ELF1: variants seen among roughly 807,000 people sequenced by gnomAD.
ELF1 encodes ETS-related transcription factor Elf-1.
Under a neutral mutation model 59.9 loss-of-function variants are expected in ELF1, and 24 were observed. The ratio of observed to expected loss-of-function variants is 0.40; its 90% confidence interval spans 0.29 to 0.56. ELF1 has a LOEUF of 0.56. Ranked by LOEUF, ELF1 falls within the 20% of genes least tolerant of loss-of-function variation. ELF1 has a pLI of 0.44. For synonymous variants in ELF1, 248 were observed against 266.2 expected, an observed-to-expected ratio of 0.93 and a Z score of 0.67; for missense variants, 627 against 742.2, an observed-to-expected ratio of 0.84 and a Z score of 1.80.
At chr13:40,957,549 C>A (rs924006801) in intron 3 of ELF1, among the ~76,000 whole-genome samples, 1 of 151,940 alleles carries the variant, frequency 6.6e-6, no homozygotes, top group African/African-American at 2.4e-5. Flanking sequence ...TGTAGCACCC[C>A]CTACCACCCT....
At chr13:41,039,002 T>C (rs1876496022) in intron 1 of ELF1, among the ~76,000 whole-genome samples, 1 of 129,576 alleles carries the variant, frequency 7.7e-6, no homozygotes. Flanking sequence ...GACAGAGACT[T>C]TGTCAAAAAA....
intron 1 of ELF1, among the ~76,000 whole-genome samples, chr13:40,987,445 G>C (rs911454045): frequency 2.7e-5 from 4 of 150,550 alleles, no homozygotes; most frequent in African/African-American, 9.7e-5. Context: ...AATTAGCTGG[G>C]CATGGTGGTG....
intron 1 of ELF1, among the ~76,000 whole-genome samples, chr13:40,994,891 T>C (rs1442876652): frequency 1.3e-5 from 2 of 152,204 alleles, no homozygotes; most frequent in East Asian, 1.9e-4. Flanking sequence ...AGTGCAATGG[T>C]TCCCCCATCT....
intron 1 of ELF1, among the ~76,000 whole-genome samples, chr13:41,056,712 A>C (rs543757742): frequency 6.6e-6 from 1 of 152,366 alleles, no homozygotes; most frequent in Admixed American, 6.5e-5. Flanking sequence ...TAAGACAAGA[A>C]ATAAACAGAA....
chr13:40,933,957 A>G lies in ELF1; in HGVS notation c.1328T>C (p.Leu443Pro), dbSNP rs1869593258. The G allele has an allele frequency of 6.2e-7, 1 of 1,614,194 alleles. No homozygotes were observed. Among genetic ancestry groups the G allele is most frequent in the Non-Finnish European group, 8.5e-7 (1 of 1,180,038 alleles). ...PRNQQLHTVT[L>P]QTVPLTTVIA... ...AACTGTTGTGAGTGGCACTGTTTGGAGTGTTACTGTATGCAACTGCTGATT... is the reference window on the plus strand; with the variant it reads ...AACTGTTGTGAGTGGCACTGTTTGGGGTGTTACTGTATGCAACTGCTGATT... The change falls in exon 9 of 9, where the codon CTC (leucine) becomes CCC (proline). Residue 443 changes from leucine (L) to proline (P), a missense_variant. Leu to Pro is a moderately conservative substitution (Grantham distance 98). Transcript: ENST00000239882.
At chr13:40,979,079 G>A (rs1228870499) in intron 2 of ELF1, among the ~76,000 whole-genome samples, 2 of 151,582 alleles carry the variant, frequency 1.3e-5, no homozygotes, top group Admixed American at 6.6e-5. Flanking sequence ...TTATGTCCAC[G>A]TAACACAGAC....
At chr13:41,027,970 G>A (rs1271038057) in intron 1 of ELF1, among the ~76,000 whole-genome samples, 1 of 152,206 alleles carries the variant, frequency 6.6e-6, no homozygotes, top group Middle Eastern at 3.4e-3. Context: ...CCACTACATG[G>A]TACTGTTTTT....
intron 1 of ELF1, among the ~76,000 whole-genome samples, chr13:41,047,441 T>C (rs1030380364): frequency 3.3e-5 from 5 of 152,242 alleles, no homozygotes; most frequent in African/African-American, 1.2e-4. Flanking sequence ...GATGGTGACG[T>C]ACAGATGGGC....
At chr13:41,011,829 G>A (rs1242428770) in intron 1 of ELF1, among the ~76,000 whole-genome samples, 5 of 152,048 alleles carry the variant, frequency 3.3e-5, no homozygotes, top group Admixed American at 1.3e-4. Flanking sequence ...CTGGGGTCAT[G>A]CATTCCTTCA....
chr13:41,034,198 A>G (rs947936550), intron 1 of ELF1, among the ~76,000 whole-genome samples: 2 of 152,202 alleles, frequency 1.3e-5, no homozygotes, highest in Non-Finnish European at 2.9e-5. Flanking sequence ...CAAGGTCAAA[A>G]AAGAGATTTG....
chr13:40,978,320 G>C (rs1484743253), intron 2 of ELF1, among the ~76,000 whole-genome samples: 11 of 151,780 alleles, frequency 7.2e-5, no homozygotes, highest in Admixed American at 7.2e-4. Flanking sequence ...GGAGGTTGCA[G>C]TGAGTCAAGA....
intron 1 of ELF1, among the ~76,000 whole-genome samples, chr13:41,046,019 A>T (rs1342945277): frequency 2.6e-5 from 4 of 152,144 alleles, no homozygotes; most frequent in African/African-American, 9.7e-5. Flanking sequence ...TGTTGAATTG[A>T]TCCCTTTACC....
At chr13:40,993,303 T>C in intron 1 of ELF1, 7 of 1,544,630 alleles carry the variant, frequency 4.5e-6, no homozygotes, top group Non-Finnish European at 6.3e-6. Flanking sequence ...CAGGTGTTCC[T>C]TCATTTTGGG....
chr13:40,987,077 A>G lies in ELF1; in HGVS notation c.-228-4795T>C, dbSNP rs1486134552. On this transcript the variant is annotated intron_variant, in intron 1 of 8. Transcript: ENST00000239882. ...CAGCCTCCTGAGTAGCTGGGACTAC[A>G]GGCGCCCGCCACCACGCCCGGCTAA... Among the ~76,000 whole-genome samples, 3 of 149,978 alleles carry G rather than the reference A, an allele frequency of 2.0e-5. 1 individual carries two copies. Among genetic ancestry groups the G allele is most frequent in the Non-Finnish European group, 3.0e-5 (2 of 67,512 alleles).
intron 1 of ELF1, among the ~76,000 whole-genome samples, chr13:41,008,631 A>G (rs1192751946): frequency 6.6e-6 from 1 of 152,086 alleles, no homozygotes; most frequent in Non-Finnish European, 1.5e-5. Context: ...TTAATGTTAC[A>G]GGGGACAAAA....
intron 1 of ELF1, among the ~76,000 whole-genome samples, chr13:40,993,885 T>C (rs1367239162): frequency 1.3e-5 from 2 of 149,730 alleles, no homozygotes; most frequent in African/African-American, 5.0e-5. Flanking sequence ...TTTATGTAAA[T>C]AAAGCACAAA....
chr13:41,018,460 T>C (rs1875547773), intron 1 of ELF1, among the ~76,000 whole-genome samples: 2 of 152,224 alleles, frequency 1.3e-5, no homozygotes, highest in South Asian at 2.1e-4. Flanking sequence ...TACGTTTCCT[T>C]AGAAGACAGC....
At chr13:41,023,509 C>T (rs1257404370), upstream of ELF1, among the ~76,000 whole-genome samples, 1 of 152,170 alleles carries the variant, frequency 6.6e-6, no homozygotes, top group Non-Finnish European at 1.5e-5. Flanking sequence ...ATGAATCTTT[C>T]AATCATGCAG....
chr13:40,952,189 T>A (rs1870897383), intron 3 of ELF1, among the ~76,000 whole-genome samples: 1 of 152,210 alleles, frequency 6.6e-6, no homozygotes, highest in African/African-American at 2.4e-5. Context: ...ATTCCTATTG[T>A]GTAGCTTAAC....
Sources: allele counts gnomAD v4.1 joint callset (sites outside exome capture counted in the v4.1 genomes callset), GRCh38; gene constraint gnomAD v4.1.1; transcripts MANE v1.5; gene names NCBI Gene and HGNC (gene_info 2026-07-23, HGNC 2026-07-21).